Variants in RNF157 observed in about 807,000 individuals in gnomAD.
RNF157 encodes ring finger protein 157, also known as E3 ubiquitin ligase RNF157.
In RNF157, 55 loss-of-function variants were observed where a neutral mutation model predicts 88.3. The ratio of observed to expected loss-of-function variants is 0.62; its 90% CI spans 0.50 to 0.78. RNF157 has a LOEUF of 0.78. Ranked by LOEUF, RNF157 falls within the 30% of genes least tolerant of loss-of-function variation. The probability of loss-of-function intolerance (pLI) is 0.00; values close to 1 mark genes in which losing one functional copy is unlikely to be tolerated. For synonymous variants in RNF157, 334 were observed against 341.2 expected (o/e 0.98, Z 0.23); for missense variants, 788 against 860.8 (o/e 0.92, Z 1.06).
rs1054216010 is a variant in RNF157, at chr17:76,146,356, G to C, written c.1922-1003C>G. The C allele has an allele frequency of 3.0e-6, 3 of 985,342 alleles. No individual in the cohort carries two copies. Among genetic ancestry groups the C allele is most frequent in the African/African-American group, 3.5e-5 (2 of 57,220 alleles). The allele number at this position is 985,342 out of a possible 1,614,324, so 61.0% of individuals were successfully genotyped here. On this transcript the variant is annotated intron_variant, in intron 18 of 18. Coordinates refer to ENST00000269391, the MANE Select transcript of RNF157 (RefSeq NM_052916.3). The surrounding 1 kb of genome is among the most constrained non-coding windows in gnomAD (Gnocchi z 4.2). ...AGCGTTGGTGAGTATCTGACTCCTA[G>C]AATAGCCTGTGCTCAGGCTCCTCCA...
At chr17:76,227,888 T>A (rs1319880868) in intron 1 of RNF157, among the ~76,000 whole-genome samples, 4 of 151,832 alleles carry the variant, frequency 2.6e-5, no homozygotes, top group Non-Finnish European at 4.4e-5. Context: ...AAAAAAAATT[T>A]AAAAAAAGAG....
chr17:76,189,311 C>A (rs990017996), intron 2 of RNF157, among the ~76,000 whole-genome samples: 6 of 152,158 alleles, frequency 3.9e-5, no homozygotes, highest in African/African-American at 1.4e-4. Context: ...TTTTGTGATT[C>A]TTCTGTAAGA....
chr17:76,185,437 T>C (rs1477691426), intron 2 of RNF157, among the ~76,000 whole-genome samples: 1 of 152,030 alleles, frequency 6.6e-6, no homozygotes, highest in Non-Finnish European at 1.5e-5. Flanking sequence ...CTCCAGCGAG[T>C]TGGTAAATAA....
At chr17:76,159,907 T>A (rs184534702) in intron 11 of RNF157, among the ~76,000 whole-genome samples, 2 of 152,204 alleles carry the variant, frequency 1.3e-5, no homozygotes, top group Non-Finnish European at 2.9e-5. Context: ...CTTCTTCCCA[T>A]TTTTTTTCTG....
At chr17:76,182,845 G>C in intron 2 of RNF157, among the ~76,000 whole-genome samples, 1 of 77,994 alleles carries the variant, frequency 1.3e-5, no homozygotes, top group Non-Finnish European at 2.5e-5. Context: ...ATGATATATA[G>C]GATATATAGG....
In RNF157 at chr17:76,173,701, C is replaced by T; in HGVS notation, c.296+1G>A. On this transcript the variant is annotated splice_donor_variant, in intron 3 of 18. Coordinates refer to ENST00000269391, the MANE Select transcript of RNF157 (RefSeq NM_052916.3). LOFTEE classifies it high-confidence loss of function. ...CCTGGCCCCAGCCTCTGGGAACTTACTTGACGAGCCTCAGTGTGTCCTTTC... is the reference window on the plus strand; with the variant it reads ...CCTGGCCCCAGCCTCTGGGAACTTATTTGACGAGCCTCAGTGTGTCCTTTC... 1.2e-6 allele frequency: 2 copies of T among 1,603,114 alleles called. No individual in the cohort carries two copies. Among genetic ancestry groups the T allele is most frequent in the South Asian group, 2.2e-5 (2 of 89,580 alleles).
chr17:76,162,720 C>G (rs4788915), intron 8 of RNF157, 97 bp from the exon 9 acceptor site: 3 of 742,876 alleles, frequency 4.0e-6, no homozygotes, highest in Admixed American at 6.3e-5. Context: ...TAACCAAGGA[C>G]TACCGATTCA....
intron 8 of RNF157, 44 bp from the exon 9 acceptor site, chr17:76,162,667 G>GT: frequency 2.9e-6 from 4 of 1,378,520 alleles, no homozygotes; most frequent in Non-Finnish European, 3.0e-6. Context: ...TGTCTCTACT[G>GT]AGAGACAAGA....
chr17:76,168,695 G>A (rs1252710411), intron 3 of RNF157, among the ~76,000 whole-genome samples: 1 of 151,980 alleles, frequency 6.6e-6, no homozygotes, highest in African/African-American at 2.4e-5. Flanking sequence ...AGAAGCTCAT[G>A]TTTCCTGCAC....
At chr17:76,235,666 G>A (rs896784951) in intron 1 of RNF157, among the ~76,000 whole-genome samples, 5 of 152,138 alleles carry the variant, frequency 3.3e-5, no homozygotes, top group African/African-American at 1.2e-4. Flanking sequence ...ACAAGAATAT[G>A]TGTACTCTAA....
chr17:76,173,911 TTAAG>T lies in RNF157; in HGVS notation c.208-125_208-122del. ...AGGCAGGAAGGCACAACTCTCCTAA[TTAAG>T]TGAGGAAACTGAAACTCCGACATAC... is the stretch of plus-strand genomic sequence containing the variant. On this transcript the variant is annotated intron_variant, in intron 2 of 18. Coordinates refer to ENST00000269391, the MANE Select transcript of RNF157 (RefSeq NM_052916.3). 5 of 769,012 alleles carry T rather than the reference TTAAG, an allele frequency of 6.5e-6. No individual in the cohort carries two copies. In the South Asian group the frequency reaches 8.0e-5, roughly 12 times the overall value. The allele number at this position is 769,012 out of a possible 1,614,324, so 47.6% of individuals were successfully genotyped here.
intron 2 of RNF157, among the ~76,000 whole-genome samples, chr17:76,182,760 C>CATATATATATATATATATA (rs1555655961): frequency 4.3e-5 from 4 of 93,358 alleles, no homozygotes; most frequent in African/African-American, 2.3e-4. Flanking sequence ...GGCCTCGTCT[C>CATATATATATATATATATA]ATATATATAT....
chr17:76,178,573 C>T (rs1025301975), intron 2 of RNF157, among the ~76,000 whole-genome samples: 6 of 152,252 alleles, frequency 3.9e-5, no homozygotes, highest in African/African-American at 4.8e-5. Context: ...GTGCCTGAGC[C>T]GAACCTGTGC....
At chr17:76,164,272 G>A (rs1453842831) in intron 8 of RNF157, 2 of 152,678 alleles carry the variant, frequency 1.3e-5, no homozygotes, top group African/African-American at 4.8e-5. Context: ...CTGGAAGAGG[G>A]AGAATGGATG....
At chr17:76,208,362 C>T (rs916619165) in intron 2 of RNF157, among the ~76,000 whole-genome samples, 1 of 152,198 alleles carries the variant, frequency 6.6e-6, no homozygotes, top group Non-Finnish European at 1.5e-5. Flanking sequence ...GGCTCTGGAG[C>T]CAGACTGTTA....
chr17:76,231,301 G>A (rs1409096250), intron 1 of RNF157, among the ~76,000 whole-genome samples: 1 of 152,112 alleles, frequency 6.6e-6, no homozygotes, highest in Non-Finnish European at 1.5e-5. Context: ...CCGGCCTCTT[G>A]CACATTTTTT....
At chr17:76,232,108 C>T (rs950594460) in intron 1 of RNF157, among the ~76,000 whole-genome samples, 2 of 152,114 alleles carry the variant, frequency 1.3e-5, no homozygotes, top group East Asian at 1.9e-4. Flanking sequence ...CATGGCCAGG[C>T]GTGTTGTCTC....
At chr17:76,214,377 C>T (rs188735597) in intron 1 of RNF157, among the ~76,000 whole-genome samples, 9 of 152,166 alleles carry the variant, frequency 5.9e-5, no homozygotes, top group African/African-American at 9.6e-5. Context: ...TATCCGCAGA[C>T]GCACACATTT....
chr17:76,166,919 C>G (rs1056218206), intron 5 of RNF157, 90 bp downstream of exon 5: 2 of 807,900 alleles, frequency 2.5e-6, no homozygotes, highest in East Asian at 5.0e-5. Context: ...TTCAAGCATC[C>G]GAGCAGCCCC....
Sources: allele counts gnomAD v4.1 joint callset (sites outside exome capture counted in the v4.1 genomes callset), GRCh38; gene constraint gnomAD v4.1.1; non-coding constraint Gnocchi (gnomAD v3.1); transcripts MANE v1.5; gene names NCBI Gene and HGNC (gene_info 2026-07-23, HGNC 2026-07-21).